The following EZH1 variants were observed in gnomAD, a reference collection of about 807,000 sequenced individuals.
EZH1 encodes histone-lysine N-methyltransferase EZH1.
In EZH1, 33 loss-of-function variants were observed where a neutral mutation model predicts 100.5. The ratio of observed to expected loss-of-function variants is 0.33; its 90% CI spans 0.25 to 0.44. EZH1 has a LOEUF of 0.44. Ranked by LOEUF, EZH1 falls within the 20% of genes least tolerant of loss-of-function variation. EZH1 has a pLI of 1.00. For missense variants in EZH1, 475 were observed against 928.4 expected (o/e 0.51, Z 6.35); for synonymous variants, 272 against 313.8 (o/e 0.87, Z 1.41).
intron 1 of EZH1, among the ~76,000 whole-genome samples, chr17:42,740,264 G>A (rs965460895): frequency 2.0e-5 from 3 of 146,422 alleles, no homozygotes; most frequent in Non-Finnish European, 3.0e-5. Context: ...TTTTTGAAAC[G>A]GAGTCTTGCT....
intron 5 of EZH1, among the ~76,000 whole-genome samples, chr17:42,723,373 C>CAAA (rs34024745): frequency 1.2e-4 from 17 of 142,464 alleles, no homozygotes; most frequent in African/African-American, 4.3e-4. Flanking sequence ...GACTCCGTCT[C>CAAA]AAAAAAAAAA....
At chr17:42,709,700 G>T in intron 13 of EZH1, 146 bp downstream of exon 13, 1 of 664,294 alleles carries the variant, frequency 1.5e-6, no homozygotes, top group Non-Finnish European at 2.6e-6. Flanking sequence ...CAGGAGGCTG[G>T]CTCTCAGTCA....
In EZH1 at chr17:42,744,996, T is replaced by C; in HGVS notation, c.-103+15A>G. 1 of 1,274,712 alleles carries C rather than the reference T, an allele frequency of 7.8e-7. No individual in the cohort carries two copies. The highest frequency in any genetic ancestry group is 1.0e-6 in the Non-Finnish European group (1 of 983,076). 79.0% of individuals were successfully genotyped at this position (1,274,712 alleles called of 1,614,324 possible). A position where few individuals can be genotyped will look rare whatever the true frequency, so the allele number is the denominator to read the frequency against. On this transcript the variant is annotated intron_variant, in intron 1 of 20. Coordinates refer to ENST00000428826, the MANE Select transcript of EZH1 (RefSeq NM_001991.5). ...CCGGCCCCACCGCCCGGCCCAGGCT[T>C]GTTTACTCACTCACCCTCCATCCCG...
rs947081766 is a variant in EZH1 at position 42,701,877 on chromosome 17, C to T, written c.*655G>A. 1 of 152,374 alleles carries T rather than the reference C, an allele frequency of 6.6e-6. No individual in the cohort carries two copies. Among genetic ancestry groups the T allele is most frequent in the African/African-American group, 2.4e-5 (1 of 41,444 alleles). 9.4% of individuals were successfully genotyped at this position (152,374 alleles called of 1,614,324 possible). ...ACTACTATCATCTGGCTGGTTCTCC[C>T]TCTCTGGCTAAGGAAGGATGGCGTA... On this transcript the variant is annotated 3_prime_UTR_variant, in exon 21 of 21. Coordinates refer to ENST00000428826, the MANE Select transcript of EZH1 (RefSeq NM_001991.5).
chr17:42,724,593 C>A (rs1424382115), intron 4 of EZH1, 169 bp from the exon 5 acceptor site: 2 of 601,176 alleles, frequency 3.3e-6, no homozygotes, highest in Non-Finnish European at 5.6e-6. Flanking sequence ...ACCAGCCAGG[C>A]CAACATGGTG....
chr17:42,740,365 G>A (rs1228717545), intron 1 of EZH1, among the ~76,000 whole-genome samples: 3 of 151,376 alleles, frequency 2.0e-5, no homozygotes, highest in Non-Finnish European at 2.9e-5. Flanking sequence ...TCAGCCTCCC[G>A]CGTAGCTGGG....
At position 42,700,558 on chromosome 17, in the gene EZH1, GTC is replaced by G. The variant is rs2053221281; in HGVS notation, c.*1972_*1973del. On this transcript the variant is annotated 3_prime_UTR_variant, in exon 21 of 21. Coordinates refer to ENST00000428826, the MANE Select transcript of EZH1 (RefSeq NM_001991.5). ...CTGAAGGAAGGGTGGGGTCAGTCTA[GTC>G]TCTCAAAGGCTGGTGAAAAGTTTTT... 1.3e-5 allele frequency: 2 copies of G among 152,388 alleles called. No individual in the cohort carries two copies. The highest frequency in any genetic ancestry group is 2.4e-5 in the African/African-American group (1 of 41,446). 9.4% of individuals were successfully genotyped at this position (152,388 alleles called of 1,614,324 possible).
intron 10 of EZH1, chr17:42,714,525 C>A: frequency 3.5e-6 from 1 of 286,518 alleles, no homozygotes. Context: ...GTCAGCAGGG[C>A]CTATGGTGGA....
At chr17:42,724,220 A>G in intron 5 of EZH1, 85 bp downstream of exon 5, 3 of 1,531,400 alleles carry the variant, frequency 2.0e-6, no homozygotes, top group Non-Finnish European at 2.7e-6. Context: ...TTACTGGACA[A>G]TCTTTACCCT....
chr17:42,721,336 T>C (rs1343367925), intron 6 of EZH1, among the ~76,000 whole-genome samples: 1 of 152,218 alleles, frequency 6.6e-6, no homozygotes. Flanking sequence ...CGGACAGACT[T>C]TTCTAGAATT....
intron 14 of EZH1, 54 bp downstream of exon 14, chr17:42,708,822 C>T: frequency 6.3e-7 from 1 of 1,597,548 alleles, no homozygotes; most frequent in Non-Finnish European, 8.6e-7. Flanking sequence ...AGGGTGATGA[C>T]CACAGAGTGA....
rs1201357879 is a variant in EZH1 at position 42,708,925 on chromosome 17, GAC to G, written c.1494-11_1494-10del. ...AGTGTGCAGCCCACAATCTGAAAAAGACAGGAAGGACAGGTCTCAGTCACGGC... is the reference window on the plus strand; with the variant it reads ...AGTGTGCAGCCCACAATCTGAAAAAGAGGAAGGACAGGTCTCAGTCACGGC... On this transcript the variant is annotated splice_polypyrimidine_tract_variant and intron_variant, in intron 13 of 20. Coordinates refer to ENST00000428826, the MANE Select transcript of EZH1 (RefSeq NM_001991.5). 6.2e-7 allele frequency: 1 copy of G among 1,614,036 alleles called. No homozygotes were observed. The highest frequency in any genetic ancestry group is 8.5e-7 in the Non-Finnish European group (1 of 1,180,036).
Position 42,706,246 on chromosome 17 carries a change from T to C in EZH1, c.1661-61A>G. 6.8e-7 allele frequency: 1 copy of C among 1,464,116 alleles called. No homozygotes were observed. Among genetic ancestry groups the C allele is most frequent in the South Asian group, 1.5e-5 (1 of 68,664 alleles). The allele number at this position is 1,464,116 out of a possible 1,614,324, so 90.7% of individuals were successfully genotyped here. ...ATAAGCTAATACTGGGGCTTGTGGTTGACTCAAGGGACAGCAAAGAAGTAA... is the reference window on the plus strand; with the variant it reads ...ATAAGCTAATACTGGGGCTTGTGGTCGACTCAAGGGACAGCAAAGAAGTAA... On this transcript the variant is annotated intron_variant, in intron 15 of 20. Coordinates refer to ENST00000428826, the MANE Select transcript of EZH1 (RefSeq NM_001991.5). This position sits in a 1 kb window ranked among gnomAD's most constrained non-coding sequence, Gnocchi z 4.4.
Position 42,706,003 on chromosome 17 carries a change from T to C in EZH1, c.1839+4A>G, listed in dbSNP as rs764258818. The C allele has an allele frequency of 1.7e-5, 27 of 1,610,026 alleles. No individual in the cohort carries two copies. The Admixed American group carries it at 4.4e-4, about 26-fold the overall frequency. ...TGGTGTGGGGTCCTGAGGAAAGGCC[T>C]CACCTTCTTAAGTCCACGCTGGATG... On this transcript the variant is annotated splice_donor_region_variant and intron_variant, in intron 16 of 20. Coordinates refer to ENST00000428826, the MANE Select transcript of EZH1 (RefSeq NM_001991.5). The surrounding 1 kb of genome is among the most constrained non-coding windows in gnomAD (Gnocchi z 4.4).
At chr17:42,739,107 G>A (rs963180188) in intron 1 of EZH1, among the ~76,000 whole-genome samples, 1 of 152,144 alleles carries the variant, frequency 6.6e-6, no homozygotes, top group African/African-American at 2.4e-5. Context: ...GATTCATAGT[G>A]TAATTGAAAC....
intron 10 of EZH1, among the ~76,000 whole-genome samples, chr17:42,715,251 T>C (rs376582289): frequency 6.9e-6 from 1 of 144,430 alleles, no homozygotes; most frequent in Non-Finnish European, 1.5e-5. Flanking sequence ...TAATATAATA[T>C]ATAATAGATT....
chr17:42,707,127 T>G (rs1222770435), intron 15 of EZH1, among the ~76,000 whole-genome samples: 2 of 151,900 alleles, frequency 1.3e-5, no homozygotes, highest in East Asian at 3.9e-4. Flanking sequence ...TACCTGATAT[T>G]AAAACTCCAG....
chr17:42,709,761 G>T, intron 13 of EZH1, 85 bp downstream of exon 13: 1 of 1,299,210 alleles, frequency 7.7e-7, no homozygotes, highest in Non-Finnish European at 1.1e-6. Flanking sequence ...GCTAAAGAGG[G>T]AGGCAGATGG....
intron 13 of EZH1, 57 bp downstream of exon 13, chr17:42,709,789 C>G (rs924457367): frequency 8.6e-5 from 133 of 1,549,564 alleles, no homozygotes; most frequent in Non-Finnish European, 1.1e-4. Flanking sequence ...AAGGGGAGGT[C>G]AGAGCACAGG....
Sources: allele counts gnomAD v4.1 joint callset (sites outside exome capture counted in the v4.1 genomes callset), GRCh38; gene constraint gnomAD v4.1.1; non-coding constraint Gnocchi (gnomAD v3.1); transcripts MANE v1.5; gene names NCBI Gene and HGNC (gene_info 2026-07-23, HGNC 2026-07-21).